ANTXR1: variants seen among roughly 807,000 people sequenced by gnomAD.
The protein encoded by ANTXR1 is ANTXR cell adhesion molecule 1.
A neutral mutation model predicts 78.1 loss-of-function variants in ANTXR1; 19 were observed. The ratio of observed to expected loss-of-function variants is 0.24; its 90% CI spans 0.17 to 0.36. ANTXR1 has a LOEUF of 0.36. Among genes scored for constraint, ANTXR1 ranks in the 10% least tolerant of loss-of-function variants. ANTXR1 has a pLI of 1.00. For synonymous variants in ANTXR1, 273 were observed against 260.5 expected, an observed-to-expected ratio of 1.05 and a Z score of -0.46; for missense variants, 518 against 718.6, an observed-to-expected ratio of 0.72 and a Z score of 3.19.
chr2:69,165,165 G>A (rs771999420), intron 13 of ANTXR1, among the ~76,000 whole-genome samples: 2 of 152,216 alleles, frequency 1.3e-5, no homozygotes, highest in Non-Finnish European at 2.9e-5. Context: ...AATAAAGTTT[G>A]AAACCACTGA....
At chr2:69,180,801 A>T (rs1674255044) in intron 14 of ANTXR1, among the ~76,000 whole-genome samples, 1 of 152,206 alleles carries the variant, frequency 6.6e-6, no homozygotes, top group East Asian at 1.9e-4. Context: ...CTTAACTAAA[A>T]ATAAAACAGA....
At chr2:69,210,797 A>T (rs1390126479) in intron 17 of ANTXR1, among the ~76,000 whole-genome samples, 1 of 152,138 alleles carries the variant, frequency 6.6e-6, no homozygotes, top group Admixed American at 6.5e-5. Flanking sequence ...TTAGCCAGGT[A>T]TGGTGGCACA....
At chr2:69,187,585 C>CTTTTTTTTTTTTTTTTTTTTTTTT (rs58660678) in intron 16 of ANTXR1, among the ~76,000 whole-genome samples, 2 of 94,898 alleles carry the variant, frequency 2.1e-5, no homozygotes, top group African/African-American at 9.1e-5. Flanking sequence ...TCATGTATTT[C>CTTTTTTTTTTTTTTTTTTTTTTTT]TTTTTTTTTT....
intron 3 of ANTXR1, among the ~76,000 whole-genome samples, chr2:69,064,579 A>C (rs1670338559): frequency 6.6e-6 from 1 of 152,244 alleles, no homozygotes; most frequent in African/African-American, 2.4e-5. Context: ...ATAACAGTCC[A>C]CCACATACAA....
intron 3 of ANTXR1, among the ~76,000 whole-genome samples, chr2:69,048,442 T>C (rs924054987): frequency 6.6e-6 from 1 of 152,206 alleles, no homozygotes; most frequent in African/African-American, 2.4e-5. Flanking sequence ...ATAACTGTAA[T>C]TGGGCTGCCA....
At chr2:69,021,124 G>A (rs1474646573) in intron 1 of ANTXR1, among the ~76,000 whole-genome samples, 2 of 152,190 alleles carry the variant, frequency 1.3e-5, no homozygotes, top group African/African-American at 4.8e-5. Context: ...CTACCTGCCA[G>A]ACGCTATAGT....
intron 9 of ANTXR1, among the ~76,000 whole-genome samples, chr2:69,098,221 G>A (rs909354028): frequency 2.0e-5 from 3 of 152,130 alleles, no homozygotes; most frequent in Non-Finnish European, 2.9e-5. Context: ...TACACTTTAT[G>A]TGCAAGTTAT....
At chr2:69,193,828 A>G (rs1674600987) in intron 17 of ANTXR1, among the ~76,000 whole-genome samples, 1 of 152,204 alleles carries the variant, frequency 6.6e-6, no homozygotes, top group Admixed American at 6.5e-5. Flanking sequence ...TGCATCACAG[A>G]GTACCAGCAC....
At chr2:69,142,758 G>A (rs543245643) in intron 12 of ANTXR1, among the ~76,000 whole-genome samples, 26 of 152,232 alleles carry the variant, frequency 1.7e-4, no homozygotes, top group Middle Eastern at 3.4e-3. Flanking sequence ...GAAGAAGACC[G>A]TGACAGAAGA....
At chr2:69,207,320 T>A (rs1326712324) in intron 17 of ANTXR1, among the ~76,000 whole-genome samples, 2 of 152,190 alleles carry the variant, frequency 1.3e-5, no homozygotes, top group Non-Finnish European at 1.5e-5. Context: ...GTTTGACTAT[T>A]GAAATTCTTT....
chr2:69,136,055 CATA>C (rs1672901522), intron 12 of ANTXR1, among the ~76,000 whole-genome samples: 1 of 152,082 alleles, frequency 6.6e-6, no homozygotes, highest in South Asian at 2.1e-4. Flanking sequence ...TGTTTCAGAT[CATA>C]ATAATATATC....
At chr2:69,137,783 C>CAAAAA (rs1277649788) in intron 12 of ANTXR1, among the ~76,000 whole-genome samples, 1 of 87,072 alleles carries the variant, frequency 1.1e-5, no homozygotes, top group Non-Finnish European at 2.4e-5. Context: ...GACCCTGTCT[C>CAAAAA]AAAAAAAAAA....
intron 6 of ANTXR1, among the ~76,000 whole-genome samples, chr2:69,074,977 T>TAC (rs200596985): frequency 0.011 from 1,700 of 152,316 alleles, 33 homozygotes; most frequent in African/African-American, 0.039. Flanking sequence ...TCCCAATGCT[T>TAC]AATTGTAGAG....
chr2:69,103,246 C>T (rs920456065), intron 10 of ANTXR1: 4 of 418,066 alleles, frequency 9.6e-6, no homozygotes, highest in African/African-American at 6.1e-5. Context: ...CCGGAAGCAG[C>T]GGGGCACTGG....
intron 17 of ANTXR1, among the ~76,000 whole-genome samples, chr2:69,230,105 CCT>C (rs1002036027): frequency 6.6e-5 from 10 of 151,220 alleles, no homozygotes; most frequent in African/African-American, 2.4e-4. Flanking sequence ...AGAGCCAGTC[CCT>C]GTTTAGTGAC....
intron 7 of ANTXR1, 103 bp downstream of exon 7, chr2:69,075,761 T>C (rs1670711765): frequency 2.9e-6 from 3 of 1,044,692 alleles, no homozygotes; most frequent in South Asian, 2.6e-5. Context: ...TAAATGCCCC[T>C]GAAATAGGTT....
intron 12 of ANTXR1, among the ~76,000 whole-genome samples, chr2:69,141,455 G>A (rs1251866631): frequency 6.6e-6 from 1 of 152,146 alleles, no homozygotes; most frequent in East Asian, 1.9e-4. Flanking sequence ...AGGTTTCAGG[G>A]GCAAGAGCAG....
chr2:69,245,139 A>C (rs1675984849), intron 17 of ANTXR1, 86 bp from the exon 18 acceptor site: 17 of 1,528,082 alleles, frequency 1.1e-5, no homozygotes, highest in Admixed American at 1.7e-5. Context: ...CTTTCCACAT[A>C]TTGCTTGCAA....
chr2:69,073,587 A>T (rs1256890881), intron 6 of ANTXR1, among the ~76,000 whole-genome samples: 1 of 152,202 alleles, frequency 6.6e-6, no homozygotes, highest in Non-Finnish European at 1.5e-5. Context: ...TTAAATTGTC[A>T]TCTCTCTTTT....
Sources: gnomAD v4.1 joint callset for allele counts (sites outside exome capture counted in the v4.1 genomes callset) on GRCh38, gnomAD v4.1.1 for gene constraint, MANE v1.5 for transcripts, NCBI Gene and HGNC (gene_info 2026-07-23, HGNC 2026-07-21) for gene names.